Variants in SNAP91 observed in about 807,000 individuals in gnomAD.
SNAP91 encodes clathrin coat assembly protein AP180.
In SNAP91, 27 loss-of-function variants were observed where a neutral mutation model predicts 100.3. The observed-to-expected ratio is 0.27, with a 90% CI of 0.20 to 0.37. The LOEUF (loss-of-function observed/expected upper bound fraction) is 0.37. SNAP91 is among the 10% of genes least tolerant of loss of function. The pLI is 1.00. For missense variants in SNAP91, 986 were observed against 1,123.7 expected (o/e 0.88, Z 1.75); for synonymous variants, 404 against 398.6 (o/e 1.01, Z -0.16).
chr6:83,602,294 GA>G (rs35110483), intron 14 of SNAP91, among the ~76,000 whole-genome samples: 4 of 151,642 alleles, frequency 2.6e-5, no homozygotes, highest in South Asian at 2.1e-4. Flanking sequence ...ACACCAACAG[GA>G]AAAAAAATGC....
chr6:83,567,188 T>G (rs1371148461), intron 26 of SNAP91, among the ~76,000 whole-genome samples: 5 of 152,148 alleles, frequency 3.3e-5, no homozygotes, highest in African/African-American at 1.2e-4. Context: ...TCCCCCCGCC[T>G]CAGTTTCTGG....
At chr6:83,659,794 T>C (rs1293233892) in intron 5 of SNAP91, among the ~76,000 whole-genome samples, 2 of 152,112 alleles carry the variant, frequency 1.3e-5, no homozygotes, top group East Asian at 3.8e-4. Flanking sequence ...AGAAAACATG[T>C]CTTGGAAGTT....
Position 83,665,576 on chromosome 6 carries a change from T to A in SNAP91, c.136A>T (p.Ile46Phe). The A allele has an allele frequency of 6.2e-7, 1 of 1,607,086 alleles. No individual in the cohort carries two copies. The highest frequency in any genetic ancestry group is 8.5e-7 in the Non-Finnish European group (1 of 1,177,926). ...ACATTGGTCTCGTTGGTAGCCTGGA[T>A]CAAATCTATGAAAATAGAAGATATT... ...GPKKKHLDYL[I>F]QATNETNVNI... Residue 46 changes from isoleucine (I) to phenylalanine (F), a missense_variant, in exon 3 of 30, where the codon ATC (isoleucine) becomes TTC (phenylalanine). Ile to Phe is a conservative substitution (Grantham distance 21). This residue lies in a region of SNAP91 where 330 missense variants were observed against 447.5 expected (regional missense o/e 0.74). Coordinates refer to ENST00000369694, the MANE Select transcript of SNAP91 (RefSeq NM_001242792.2).
chr6:83,612,491 A>C (rs947850594), intron 11 of SNAP91, among the ~76,000 whole-genome samples: 3 of 152,228 alleles, frequency 2.0e-5, no homozygotes, highest in African/African-American at 4.8e-5. Context: ...CTTTCTAAGA[A>C]TGAATTAATT....
At chr6:83,690,841 A>T (rs192128703) in intron 2 of SNAP91, among the ~76,000 whole-genome samples, 15 of 152,232 alleles carry the variant, frequency 9.9e-5, no homozygotes, top group African/African-American at 3.6e-4. Flanking sequence ...CAAAAAATAT[A>T]AGGAAAATTA....
rs2093901113 is a variant in SNAP91, at chr6:83,592,455, C to T, written c.1930G>A (p.Asp644Asn). Residue 644 changes from aspartate to asparagine, a missense_variant and splice_region_variant, in exon 21 of 30, where the codon GAT (aspartate) becomes AAT (asparagine). By Grantham distance (23) the Asp-to-Asn change is conservative (BLOSUM62 1). Coordinates refer to ENST00000369694, the MANE Select transcript of SNAP91 (RefSeq NM_001242792.2). ...GTGTTGATGGAGGAGAAATACGCAC[C>T]CCCAAAAAGGTCTATGACACCTGAA... Reference protein sequence around the residue: ...DSSGVIDLFGDAFGSSASEPQ... With the variant: ...DSSGVIDLFGNAFGSSASEPQ... 1 of 1,604,402 alleles carries T rather than the reference C, an allele frequency of 6.2e-7. No individual in the cohort carries two copies. Among genetic ancestry groups the T allele is most frequent in the Non-Finnish European group, 8.5e-7 (1 of 1,174,272 alleles).
In SNAP91 at chr6:83,553,779, T is replaced by C. The variant is rs1301549296; in HGVS notation, c.*517A>G. 6.6e-6 allele frequency: 1 copy of C among 152,166 alleles called. No individual in the cohort carries two copies. The highest frequency in any genetic ancestry group is 1.5e-5 in the Non-Finnish European group (1 of 68,028). 9.4% of individuals were successfully genotyped at this position (152,166 alleles called of 1,614,324 possible). ...CTCACAACAGTTGAAGTTCCTGTGA[T>C]TGGAAAAATGTACTCCACACTGAAA... On this transcript the variant is annotated 3_prime_UTR_variant, in exon 30 of 30. Coordinates refer to ENST00000369694, the MANE Select transcript of SNAP91 (RefSeq NM_001242792.2).
intron 8 of SNAP91, among the ~76,000 whole-genome samples, chr6:83,635,442 T>C (rs1437566890): frequency 6.6e-6 from 1 of 152,202 alleles, no homozygotes; most frequent in East Asian, 1.9e-4. Flanking sequence ...TGTCCTTCTT[T>C]GTACTTTTTC....
At chr6:83,665,686 G>A in intron 2 of SNAP91, 105 bp from the exon 3 acceptor site, 1 of 962,732 alleles carries the variant, frequency 1.0e-6, no homozygotes, top group Non-Finnish European at 1.5e-6. Flanking sequence ...GACCTTAAAA[G>A]TACTTTGATA....
intron 29 of SNAP91, among the ~76,000 whole-genome samples, chr6:83,555,173 T>C (rs1583532868): frequency 6.6e-6 from 1 of 152,294 alleles, no homozygotes; most frequent in African/African-American, 2.4e-5. Flanking sequence ...GAGAGTTTAC[T>C]TGACTGAGAT....
chr6:83,629,027 A>C (rs1033239261), intron 8 of SNAP91, among the ~76,000 whole-genome samples: 1 of 152,046 alleles, frequency 6.6e-6, no homozygotes, highest in African/African-American at 2.4e-5. Flanking sequence ...ATCCATCTTG[A>C]GTTGATTTTT....
Position 83,593,648 on chromosome 6 carries a change from G to T in SNAP91, c.1526C>A (p.Thr509Asn), listed in dbSNP as rs2128206599. The T allele has an allele frequency of 1.2e-6, 2 of 1,613,590 alleles. No individual in the cohort carries two copies. The highest frequency in any genetic ancestry group is 1.1e-5 in the South Asian group (1 of 91,010). ...TGGAGGGGCTGTGCTAGCTGTAGGG[G>T]TAACTACAGGAACACTGGTCTCAGG... The part of the protein sequence containing the change: ...KPPETSVPVV[T>N]PTASTAPPVP... Residue 509 changes from threonine to asparagine, a missense_variant, in exon 18 of 30, where the codon ACC becomes AAC. Thr to Asn is a moderately conservative substitution (Grantham distance 65). Coordinates refer to ENST00000369694, the MANE Select transcript of SNAP91 (RefSeq NM_001242792.2).
intron 2 of SNAP91, among the ~76,000 whole-genome samples, chr6:83,698,862 G>A (rs140656764): frequency 6.6e-6 from 1 of 152,078 alleles, no homozygotes; most frequent in Non-Finnish European, 1.5e-5. Flanking sequence ...ACCATAATAT[G>A]ACAATATTTT....
chr6:83,560,325 G>A (rs1055352605), intron 27 of SNAP91, 117 bp from the exon 28 acceptor site: 2 of 707,832 alleles, frequency 2.8e-6, no homozygotes, highest in Non-Finnish European at 4.8e-6. Context: ...AGGACTATGA[G>A]GAAGCATAAT....
intron 11 of SNAP91, among the ~76,000 whole-genome samples, chr6:83,614,419 A>T (rs1463264769): frequency 6.6e-6 from 1 of 152,174 alleles, no homozygotes; most frequent in Non-Finnish European, 1.5e-5. Context: ...AAATGCTTCA[A>T]TTTATGTATA....
Position 83,593,616 on chromosome 6 carries a change from C to T in SNAP91, c.1558G>A (p.Ala520Thr), listed in dbSNP as rs201061359. Residue 520 changes from alanine to threonine, a missense_variant, in exon 18 of 30, where the codon GCA (alanine) becomes ACA (threonine). Ala to Thr is a moderately conservative substitution (Grantham distance 58, BLOSUM62 0). Coordinates refer to ENST00000369694, the MANE Select transcript of SNAP91 (RefSeq NM_001242792.2). ...PTASTAPPVP[A>T]TAPSPAPAVA... Reference sequence around the variant, plus strand: ...GCAGGAGCAGGAGAAGGAGCAGTTGCGGGAACTGGAGGGGCTGTGCTAGCT... The same window carrying T: ...GCAGGAGCAGGAGAAGGAGCAGTTGTGGGAACTGGAGGGGCTGTGCTAGCT... 2.8e-4 allele frequency: 450 copies of T among 1,602,008 alleles called. 1 individual carries two copies. The Middle Eastern group carries it at 3.5e-3, about 12-fold the overall frequency.
chr6:83,633,681 C>CA (rs2097303282), intron 8 of SNAP91, among the ~76,000 whole-genome samples: 1 of 152,090 alleles, frequency 6.6e-6, no homozygotes, highest in Non-Finnish European at 1.5e-5. Context: ...TCACAGGCCT[C>CA]ACTCAGCTCC....
Position 83,553,915 on chromosome 6 carries a change from C to G in SNAP91, c.*381G>C, listed in dbSNP as rs1211319756. ...TTATGGGAAGAGTTTGGGGTTTGTTCAAAAGTTATATGTACATTGAAACCT... is the reference window on the plus strand; with the variant it reads ...TTATGGGAAGAGTTTGGGGTTTGTTGAAAAGTTATATGTACATTGAAACCT... On this transcript the variant is annotated 3_prime_UTR_variant, in exon 30 of 30. Transcript: ENST00000369694. 6.6e-6 allele frequency: 1 copy of G among 152,164 alleles called. No homozygotes were observed. The highest frequency in any genetic ancestry group is 1.5e-5 in the Non-Finnish European group (1 of 68,040). 9.4% of individuals were successfully genotyped at this position (152,164 alleles called of 1,614,324 possible).
At chr6:83,598,481 TAACA>T (rs1246790505) in intron 16 of SNAP91, among the ~76,000 whole-genome samples, 1 of 152,184 alleles carries the variant, frequency 6.6e-6, no homozygotes, top group Non-Finnish European at 1.5e-5. Flanking sequence ...TAAAATACAT[TAACA>T]GTTTTAATAT....
Sources: gnomAD v4.1 joint callset for allele counts (sites outside exome capture counted in the v4.1 genomes callset) on GRCh38, gnomAD v4.1.1 for gene constraint, gnomAD v4.1.1 regional missense constraint, MANE v1.5 for transcripts, NCBI Gene and HGNC (gene_info 2026-07-23, HGNC 2026-07-21) for gene names.